DEPDC1B: variants seen among roughly 807,000 people sequenced by gnomAD.
DEPDC1B encodes the protein DEP domain-containing protein 1B.
In DEPDC1B, 51 loss-of-function variants were observed where a neutral mutation model predicts 66.5. The ratio of observed to expected loss-of-function variants is 0.77; its 90% CI spans 0.61 to 0.97. The LOEUF is 0.97. Among genes scored for constraint, DEPDC1B ranks in the 50% least tolerant of loss-of-function variants. DEPDC1B has a pLI of 0.00. For missense variants in DEPDC1B, 552 were observed against 637.1 expected (o/e 0.87, Z 1.44); for synonymous variants, 226 against 223.6 (o/e 1.01, Z -0.10).
Position 60,668,015 on chromosome 5 carries a change from ATATATATATAAAATGGATATTT to A in DEPDC1B, c.314+18925_314+18946del, listed in dbSNP as rs1185676616. The stretch of plus-strand genomic sequence containing the variant: ...ATTATATATATAAAATGGATATTTT[ATATATATATAAAATGGATATTT>A]TATATATATATAAAATGGATATTTT... On this transcript the variant is annotated intron_variant, in intron 2 of 10. Transcript: ENST00000265036. 3.5e-4 allele frequency among the ~76,000 whole-genome samples: 38 copies of A among 107,838 alleles called. 2 individuals are homozygous for A. The highest frequency in any genetic ancestry group is 1.4e-3 in the African/African-American group (32 of 23,058). The allele number at this position is 107,838 out of a possible 152,430, so 70.7% of individuals were successfully genotyped here.
chr5:60,687,117 C>T lies in DEPDC1B; in HGVS notation c.159G>A (p.Leu53=). ...CFTAAEAVDW[L]HELLRCSQNF... is the part of the protein sequence containing the mutation. ...TTTGACTGCACCTCAGCAGCTCATGCAGCCAATCCACAGCTTCGGCCGCTG... is the reference window on the plus strand; with the variant it reads ...TTTGACTGCACCTCAGCAGCTCATGTAGCCAATCCACAGCTTCGGCCGCTG... The change falls in exon 2 of 11, where the codon CTG becomes CTA. Residue 53 remains leucine, a synonymous_variant. Transcript: ENST00000265036. 6.2e-7 allele frequency: 1 copy of T among 1,614,202 alleles called. No homozygotes were observed. Among genetic ancestry groups the T allele is most frequent in the Non-Finnish European group, 8.5e-7 (1 of 1,180,044 alleles).
intron 7 of DEPDC1B, among the ~76,000 whole-genome samples, chr5:60,616,250 G>T (rs1752551473): frequency 2.0e-5 from 3 of 152,172 alleles, no homozygotes; most frequent in Admixed American, 6.5e-5. Flanking sequence ...CTCCTCCAAA[G>T]GAACGCAGCT....
intron 2 of DEPDC1B, among the ~76,000 whole-genome samples, chr5:60,675,592 A>G (rs1754135265): frequency 6.6e-6 from 1 of 152,238 alleles, no homozygotes; most frequent in African/African-American, 2.4e-5. Flanking sequence ...TTTCAGATTA[A>G]TGAACAATAT....
chr5:60,670,962 G>T (rs1040773354), intron 2 of DEPDC1B, among the ~76,000 whole-genome samples: 10 of 152,062 alleles, frequency 6.6e-5, no homozygotes, highest in African/African-American at 2.2e-4. Context: ...ATCGGGGCAG[G>T]GAGAAACACC....
At chr5:60,638,231 T>A (rs1753105068) in intron 7 of DEPDC1B, among the ~76,000 whole-genome samples, 1 of 152,196 alleles carries the variant, frequency 6.6e-6, no homozygotes, top group Non-Finnish European at 1.5e-5. Context: ...CAGTGTAAAT[T>A]CTAAAGTATA....
In DEPDC1B at chr5:60,700,104, C is replaced by T. The variant is rs778868741; in HGVS notation, c.-11G>A. ...GATGCGATGCTCCATGGCGCGTAGG[C>T]AGCAGCGGCCGCAGCCGCGCCAGCG... is the stretch of plus-strand genomic sequence containing the variant. On this transcript the variant is annotated 5_prime_UTR_variant, in exon 1 of 11. Coordinates refer to ENST00000265036, the MANE Select transcript of DEPDC1B (RefSeq NM_018369.3). 6.5e-7 allele frequency: 1 copy of T among 1,547,542 alleles called. No individual in the cohort carries two copies. Among genetic ancestry groups the T allele is most frequent in the Non-Finnish European group, 8.7e-7 (1 of 1,148,594 alleles).
intron 2 of DEPDC1B, among the ~76,000 whole-genome samples, chr5:60,673,948 T>G (rs1271840537): frequency 6.6e-6 from 1 of 152,172 alleles, no homozygotes; most frequent in South Asian, 2.1e-4. Context: ...TCCTGTTCCA[T>G]TATTGGAACG....
chr5:60,664,677 C>T lies in DEPDC1B; in HGVS notation c.315-17144G>A, dbSNP rs112757048. On this transcript the variant is annotated intron_variant, in intron 2 of 10. Coordinates refer to ENST00000265036, the MANE Select transcript of DEPDC1B (RefSeq NM_018369.3). ...TTTGTAGAAAAAGGACTTCAAAAGG[C>T]GGAGTATGCAGTGGTCAGTGACAAT... 2.4e-3 allele frequency among the ~76,000 whole-genome samples: 364 copies of T among 152,242 alleles called. 6 individuals carry two copies. The highest frequency in any genetic ancestry group is 8.6e-3 in the African/African-American group (358 of 41,546).
intron 2 of DEPDC1B, among the ~76,000 whole-genome samples, chr5:60,683,765 T>G (rs1165449216): frequency 6.6e-6 from 1 of 151,974 alleles, no homozygotes; most frequent in Non-Finnish European, 1.5e-5. Context: ...ACTAGAGCAA[T>G]TAAGCAAGAG....
rs538646793 is a variant in DEPDC1B at position 60,608,414 on chromosome 5, A to C, written c.899-2558T>G. Among the ~76,000 whole-genome samples, 57 of 150,002 alleles carry C rather than the reference A, an allele frequency of 3.8e-4. 1 individual carries two copies. The South Asian group carries it at 0.012, about 31-fold the overall frequency. The stretch of plus-strand genomic sequence containing the variant: ...TACAAGGCAAACAGATAAACACTCA[A>C]ATACCTATTTATCAATAGACTATAT... On this transcript the variant is annotated intron_variant, in intron 7 of 10. Transcript: ENST00000265036.
chr5:60,597,520 A>C lies in DEPDC1B; in HGVS notation c.*233T>G. On this transcript the variant is annotated 3_prime_UTR_variant, in exon 11 of 11. Coordinates refer to ENST00000265036, the MANE Select transcript of DEPDC1B (RefSeq NM_018369.3). ...CAATTACAAACATGTTAACATTATC[A>C]CTATATATTTGACTCATAAATTTTA... The C allele has an allele frequency of 2.5e-6, 1 of 398,126 alleles. No individual in the cohort carries two copies. Among genetic ancestry groups the C allele is most frequent in the Non-Finnish European group, 4.4e-6 (1 of 226,762 alleles). The allele number at this position is 398,126 out of a possible 1,614,324, so 24.7% of individuals were successfully genotyped here. A position where few individuals can be genotyped will look rare whatever the true frequency, so the allele number is the denominator to read the frequency against.
chr5:60,674,687 A>G (rs958343362), intron 2 of DEPDC1B, among the ~76,000 whole-genome samples: 4 of 152,174 alleles, frequency 2.6e-5, no homozygotes, highest in Non-Finnish European at 5.9e-5. Context: ...TAGGCCCAAA[A>G]AGCTGCCCCA....
chr5:60,644,647 C>G (rs1311227505), intron 5 of DEPDC1B, 98 bp downstream of exon 5: 13 of 1,022,518 alleles, frequency 1.3e-5, no homozygotes, highest in Non-Finnish European at 9.6e-6. Context: ...AAGGAACAAA[C>G]TTATTCAGGG....
chr5:60,627,258 T>C (rs1484730093), intron 7 of DEPDC1B, among the ~76,000 whole-genome samples: 2 of 152,040 alleles, frequency 1.3e-5, no homozygotes, highest in Non-Finnish European at 2.9e-5. Flanking sequence ...TAGAAAAAAA[T>C]GATTACAAGA....
Position 60,700,159 on chromosome 5 carries a change from T to C in DEPDC1B, c.-66A>G. The C allele has an allele frequency of 1.3e-6, 2 of 1,497,642 alleles. No homozygotes were observed. The highest frequency in any genetic ancestry group is 1.8e-6 in the Non-Finnish European group (2 of 1,125,792). 92.8% of individuals were successfully genotyped at this position (1,497,642 alleles called of 1,614,324 possible). On this transcript the variant is annotated 5_prime_UTR_variant, in exon 1 of 11. Transcript: ENST00000265036. ...TCCCCGCCAGCCGGAGGAGCAGCAG[T>C]TTGAATCCCAAGCCCGCGGGCTGCG... is the stretch of plus-strand genomic sequence containing the variant.
At chr5:60,612,062 A>G (rs1316566392) in intron 7 of DEPDC1B, among the ~76,000 whole-genome samples, 4 of 152,182 alleles carry the variant, frequency 2.6e-5, no homozygotes, top group Non-Finnish European at 4.4e-5. Context: ...GGGCTAATAC[A>G]GCTGGTGACT....
At chr5:60,662,642 TA>T (rs1450958590) in intron 2 of DEPDC1B, among the ~76,000 whole-genome samples, 1 of 152,038 alleles carries the variant, frequency 6.6e-6, no homozygotes, top group African/African-American at 2.4e-5. Context: ...AAGGACACCT[TA>T]AAAAAGACTG....
chr5:60,597,678 A>G lies in DEPDC1B; in HGVS notation c.*75T>C. 11 of 1,469,708 alleles carry G rather than the reference A, an allele frequency of 7.5e-6. No homozygotes were observed. The highest frequency in any genetic ancestry group is 1.0e-5 in the Non-Finnish European group (11 of 1,090,782). 91.0% of individuals were successfully genotyped at this position (1,469,708 alleles called of 1,614,324 possible). On this transcript the variant is annotated 3_prime_UTR_variant, in exon 11 of 11. Transcript: ENST00000265036. ...TTATGCTTTTCTTTCTTCCACCACCAAAGTCTTTCTCCTAACCACCATTCA... is the reference window on the plus strand; with the variant it reads ...TTATGCTTTTCTTTCTTCCACCACCGAAGTCTTTCTCCTAACCACCATTCA...
At chr5:60,599,622 G>A (rs965573179) in intron 9 of DEPDC1B, among the ~76,000 whole-genome samples, 4 of 152,178 alleles carry the variant, frequency 2.6e-5, no homozygotes, top group African/African-American at 4.8e-5. Context: ...AAGGTTGTCC[G>A]TTTACAGGAA....
Sources: gnomAD v4.1 joint callset for allele counts (sites outside exome capture counted in the v4.1 genomes callset) on GRCh38, gnomAD v4.1.1 for gene constraint, MANE v1.5 for transcripts, NCBI Gene and HGNC (gene_info 2026-07-23, HGNC 2026-07-21) for gene names.